GALNT2: variants seen among roughly 807,000 people sequenced by gnomAD.
GALNT2 encodes polypeptide N-acetylgalactosaminyltransferase 2, also known as UDP-GalNAc:polypeptide N-acetylgalactosaminyltransferase 2.
Under a neutral mutation model 81.4 loss-of-function variants are expected in GALNT2, and 31 were observed. The ratio of observed to expected loss-of-function variants is 0.38; its 90% CI spans 0.29 to 0.51. The LOEUF is 0.51. Ranked by LOEUF, GALNT2 falls within the 20% of genes least tolerant of loss-of-function variation. GALNT2 has a pLI of 0.87. For missense variants in GALNT2, 629 were observed against 765.7 expected, an observed-to-expected ratio of 0.82 and a Z score of 2.11; for synonymous variants, 303 against 287.4, an observed-to-expected ratio of 1.05 and a Z score of -0.55.
intron 1 of GALNT2, among the ~76,000 whole-genome samples, chr1:230,085,544 A>G (rs904343187): frequency 2.6e-5 from 4 of 152,100 alleles, no homozygotes; most frequent in Non-Finnish European, 4.4e-5. Flanking sequence ...CCTGTGTCTC[A>G]TTTGCTGGCT....
chr1:230,212,244 G>A (rs561082435), intron 3 of GALNT2, among the ~76,000 whole-genome samples: 3 of 152,242 alleles, frequency 2.0e-5, no homozygotes, highest in African/African-American at 4.8e-5. Flanking sequence ...CTTACTGTCC[G>A]CTCTTCAGAG....
At chr1:230,209,357 C>CCCTGATCCACCCAAT (rs149913235) in intron 3 of GALNT2, among the ~76,000 whole-genome samples, 3 of 151,344 alleles carry the variant, frequency 2.0e-5, no homozygotes, top group Admixed American at 2.0e-4. Context: ...AAGGGTGGCG[C>CCCTGATCCACCCAAT]CCTGATCCAC....
intron 1 of GALNT2, among the ~76,000 whole-genome samples, chr1:230,088,773 A>C (rs1659972426): frequency 6.6e-6 from 1 of 151,774 alleles, no homozygotes; most frequent in South Asian, 2.1e-4. Flanking sequence ...TCCTGACCTC[A>C]TGATCCACCT....
At chr1:230,138,498 C>G (rs762279531) in intron 1 of GALNT2, among the ~76,000 whole-genome samples, 1 of 143,456 alleles carries the variant, frequency 7.0e-6, no homozygotes, top group Non-Finnish European at 1.5e-5. Flanking sequence ...GCACCCCAGC[C>G]TGGGCGATGC....
upstream of GALNT2, among the ~76,000 whole-genome samples, chr1:230,063,418 A>G (rs370781287): frequency 6.6e-6 from 1 of 152,110 alleles, no homozygotes; most frequent in Non-Finnish European, 1.5e-5. Flanking sequence ...TCAACACTGG[A>G]GGTACATTAC....
rs1358393578 is a variant in GALNT2, at chr1:230,275,022, A to C, written c.1560+458A>C. Among the ~76,000 whole-genome samples the C allele has an allele frequency of 6.6e-6, 1 of 151,802 alleles. No homozygotes were observed. The highest frequency in any genetic ancestry group is 1.5e-5 in the Non-Finnish European group (1 of 67,896). Reference sequence around the variant, plus strand: ...ATATACATGCCACATATATACATATATACACGCCACATATATACACATATA... The same window carrying C: ...ATATACATGCCACATATATACATATCTACACGCCACATATATACACATATA... On this transcript the variant is annotated intron_variant, in intron 15 of 15. Transcript: ENST00000366672. This position sits in a 1 kb window ranked among gnomAD's most constrained non-coding sequence, Gnocchi z 5.5.
At chr1:230,146,341 T>C (rs1661916334) in intron 1 of GALNT2, among the ~76,000 whole-genome samples, 2 of 152,264 alleles carry the variant, frequency 1.3e-5, no homozygotes, top group Non-Finnish European at 2.9e-5. Context: ...TATGTGTGCC[T>C]GGTCACCCCT....
In GALNT2 at chr1:230,267,922, G is replaced by A. The variant is rs76549528; in HGVS notation, c.1440+2555G>A. On this transcript the variant is annotated intron_variant, in intron 14 of 15. Transcript: ENST00000366672. ...TCACTCAGAGGTGATGGAGGGCGCC[G>A]TGCGGTGCTGCTGTGGGTCCCGCTG... 7.7e-4 allele frequency among the ~76,000 whole-genome samples: 117 copies of A among 152,354 alleles called. 2 individuals carry two copies. In the East Asian group the frequency reaches 0.02, roughly 26 times the overall value.
intron 1 of GALNT2, among the ~76,000 whole-genome samples, chr1:230,099,614 A>G (rs1025132506): frequency 1.3e-5 from 2 of 152,232 alleles, no homozygotes; most frequent in African/African-American, 4.8e-5. Flanking sequence ...AAGTCAGTAC[A>G]AGCCTTTTAG....
intron 1 of GALNT2, among the ~76,000 whole-genome samples, chr1:230,061,756 G>A (rs961144968): frequency 2.0e-4 from 30 of 151,924 alleles, no homozygotes; most frequent in African/African-American, 7.0e-4. Flanking sequence ...ATTGTTTTCT[G>A]GTTTACCACT....
At chr1:230,218,867 G>C (rs554731656) in intron 3 of GALNT2, among the ~76,000 whole-genome samples, 1 of 152,356 alleles carries the variant, frequency 6.6e-6, no homozygotes, top group East Asian at 1.9e-4. Context: ...GCAGCAGGAC[G>C]TGAGCAGTGG....
At chr1:230,247,427 A>G (rs577941349) in intron 8 of GALNT2, among the ~76,000 whole-genome samples, 11 of 152,204 alleles carry the variant, frequency 7.2e-5, no homozygotes, top group Non-Finnish European at 1.6e-4. Flanking sequence ...TGCTGGCCAC[A>G]CAGGGCATAA....
chr1:230,232,242 C>T (rs964669093), intron 3 of GALNT2, among the ~76,000 whole-genome samples: 1 of 152,132 alleles, frequency 6.6e-6, no homozygotes, highest in Non-Finnish European at 1.5e-5. Context: ...TTAGTTTTTA[C>T]TTTTTATCTC....
At chr1:230,273,879 G>A (rs896081518) in intron 14 of GALNT2, among the ~76,000 whole-genome samples, 2 of 152,178 alleles carry the variant, frequency 1.3e-5, no homozygotes, top group Non-Finnish European at 2.9e-5. Context: ...TATTCCTCCA[G>A]TTTTCAGAGG....
intron 8 of GALNT2, 50 bp downstream of exon 8, chr1:230,246,200 C>A: frequency 2.3e-6 from 3 of 1,282,244 alleles, no homozygotes; most frequent in Non-Finnish European, 3.4e-6. Context: ...TCTACACCAG[C>A]ATCTGATCAC....
At chr1:230,139,214 C>A (rs1029577356) in intron 1 of GALNT2, among the ~76,000 whole-genome samples, 2 of 152,168 alleles carry the variant, frequency 1.3e-5, no homozygotes, top group Non-Finnish European at 2.9e-5. Context: ...ATCTAATAAT[C>A]CCCATTTCAG....
At chr1:230,083,191 G>A (rs1247276532) in intron 1 of GALNT2, among the ~76,000 whole-genome samples, 5 of 149,436 alleles carry the variant, frequency 3.3e-5, no homozygotes, top group Admixed American at 3.3e-4. Flanking sequence ...GATGGAGCAG[G>A]GAGCCAGGAT....
At position 230,279,746 on chromosome 1, in the gene GALNT2, T is replaced by A; in HGVS notation, c.*288T>A. On this transcript the variant is annotated 3_prime_UTR_variant, in exon 16 of 16. Coordinates refer to ENST00000366672, the MANE Select transcript of GALNT2 (RefSeq NM_004481.5). This position sits in a 1 kb window ranked among gnomAD's most constrained non-coding sequence, Gnocchi z 4.6. ...CTTTCACTTCTGCCGGCTCCGCAAC[T>A]GAGTGACACCCAGCGACAACCGACT... 1.9e-6 allele frequency: 1 copy of A among 521,742 alleles called. No individual in the cohort carries two copies. The highest frequency in any genetic ancestry group is 3.6e-6 in the Non-Finnish European group (1 of 274,514). The allele number at this position is 521,742 out of a possible 1,614,324, so 32.3% of individuals were successfully genotyped here. A position where few individuals can be genotyped will look rare whatever the true frequency, so the allele number is the denominator to read the frequency against.
intron 1 of GALNT2, among the ~76,000 whole-genome samples, chr1:230,096,521 C>T (rs1413860936): frequency 6.6e-6 from 1 of 152,130 alleles, no homozygotes; most frequent in Non-Finnish European, 1.5e-5. Flanking sequence ...CTTTCTGTCC[C>T]ACCAGGATTT....
Sources: allele counts gnomAD v4.1 joint callset (sites outside exome capture counted in the v4.1 genomes callset), GRCh38; gene constraint gnomAD v4.1.1; non-coding constraint Gnocchi (gnomAD v3.1); transcripts MANE v1.5; gene names NCBI Gene and HGNC (gene_info 2026-07-23, HGNC 2026-07-21).